Variants in OVOL1 observed in about 807,000 individuals in gnomAD.
OVOL1 encodes putative transcription factor Ovo-like 1.
OVOL1 carries 10 observed loss-of-function variants against 21.5 expected under a neutral mutation model. The ratio of observed to expected loss-of-function variants is 0.46; its 90% CI spans 0.29 to 0.79. The LOEUF (loss-of-function observed/expected upper bound fraction) is 0.79, where lower values mean the gene tolerates loss of function less well. Ranked by LOEUF, OVOL1 falls within the 30% of genes least tolerant of loss-of-function variation. OVOL1 has a pLI of 0.10. For missense variants in OVOL1, 279 were observed against 362.3 expected (o/e 0.77, Z 1.87); for synonymous variants, 129 against 150.3 (o/e 0.86, Z 1.03).
At chr11:65,789,644 A>T in intron 1 of OVOL1, 1 of 955,478 alleles carries the variant, frequency 1.0e-6, no homozygotes. Context: ...CCAGCCAACC[A>T]TGACCCCAGA....
chr11:65,789,132 T>C, intron 1 of OVOL1: 4 of 882,562 alleles, frequency 4.5e-6, no homozygotes, highest in Non-Finnish European at 5.4e-6. Flanking sequence ...TAACAGATCA[T>C]GTGTTGATTT....
At chr11:65,790,545 G>A (rs1460209000) in intron 1 of OVOL1, 3 of 152,364 alleles carry the variant, frequency 2.0e-5, no homozygotes, top group Non-Finnish European at 2.9e-5. Context: ...CTGAGAGTGA[G>A]CTTTGGGGCC....
At chr11:65,792,386 AC>A (rs1858038478) in intron 1 of OVOL1, 1 of 152,196 alleles carries the variant, frequency 6.6e-6, no homozygotes, top group African/African-American at 2.4e-5. Flanking sequence ...GTTTGTCTCC[AC>A]CTGGATTGAG....
Position 65,794,561 on chromosome 11 carries a change from T to C in OVOL1, c.342T>C (p.Ser114=), listed in dbSNP as rs553465183. The C allele has an allele frequency of 1.5e-5, 25 of 1,613,214 alleles. No homozygotes were observed. Among genetic ancestry groups the C allele is most frequent in the South Asian group, 2.2e-5 (2 of 91,082 alleles). The change falls in exon 3 of 4, where the codon AGT becomes AGC. Residue 114 remains serine, a synonymous_variant. Transcript: ENST00000335987. ...KMKVTLGDSP[S]GDLFTCRVCQ... The stretch of plus-strand genomic sequence containing the variant: ...AGGTGACCCTTGGGGACAGTCCCAG[T>C]GGAGACCTGTTCACCTGCCGTGTCT...
At chr11:65,788,724 C>A (rs1857951910) in intron 1 of OVOL1, 4 of 985,464 alleles carry the variant, frequency 4.1e-6, no homozygotes, top group Non-Finnish European at 4.8e-6. Context: ...AACCTGATCT[C>A]AAGGGGACCC....
chr11:65,794,804 C>T (rs749033667), intron 3 of OVOL1, 77 bp downstream of exon 3: 12 of 1,433,550 alleles, frequency 8.4e-6, no homozygotes, highest in Admixed American at 1.7e-5. Flanking sequence ...TCCAGCACCC[C>T]CTGCTCTCCC....
chr11:65,788,009 G>GT (rs952274237), intron 1 of OVOL1, among the ~76,000 whole-genome samples: 31 of 151,738 alleles, frequency 2.0e-4, no homozygotes, highest in African/African-American at 7.3e-4. Context: ...GGTCGGGCCG[G>GT]TGGGGGGCGT....
At chr11:65,793,705 C>A in intron 1 of OVOL1, 1 of 418,040 alleles carries the variant, frequency 2.4e-6, no homozygotes, top group Non-Finnish European at 4.4e-6. Flanking sequence ...GTGGATGAGG[C>A]CTGGAATTCA....
At chr11:65,793,756 G>T in intron 1 of OVOL1, 2 of 526,076 alleles carry the variant, frequency 3.8e-6, no homozygotes, top group Non-Finnish European at 6.9e-6. Context: ...AACTCCGGAG[G>T]GATAATTGGC....
At chr11:65,788,716 C>G (rs1363714976) in intron 1 of OVOL1, 19 of 985,458 alleles carry the variant, frequency 1.9e-5, no homozygotes, top group Non-Finnish European at 2.2e-5. Flanking sequence ...CACAGCTTAA[C>G]CTGATCTCAA....
Position 65,794,104 on chromosome 11 carries a change from G to A in OVOL1, c.174G>A (p.Pro58=), listed in dbSNP as rs139751259. 233 of 1,613,890 alleles carry A rather than the reference G, an allele frequency of 1.4e-4. No individual in the cohort carries two copies. The African/African-American group carries it at 2.3e-3, about 16-fold the overall frequency. The part of the protein sequence containing the change: ...EPSVAEPPSC[P]LALNMSLRDS... ...CTGTGGCCGAACCCCCTTCCTGCCC[G>A]CTGGCTTTGAACATGAGCCTTCGAG... Residue 58 remains proline (P), a synonymous_variant, in exon 2 of 4, where the codon CCG becomes CCA. Transcript: ENST00000335987.
intron 1 of OVOL1, chr11:65,790,500 A>C (rs1353728806): frequency 1.3e-5 from 2 of 152,294 alleles, no homozygotes; most frequent in Non-Finnish European, 2.9e-5. Flanking sequence ...TAGTGTGGGC[A>C]CTTGGGCAGA....
rs1858093390 is a variant in OVOL1, at chr11:65,794,680, G to C, written c.461G>C (p.Gly154Ala). 6.2e-7 allele frequency: 1 copy of C among 1,613,624 alleles called. No individual in the cohort carries two copies. Among genetic ancestry groups the C allele is most frequent in the Non-Finnish European group, 8.5e-7 (1 of 1,180,036 alleles). ...CACCTCTGCACGTACTGCGGGAAGG[G>C]CTTCAATGACACCTTCGACCTCAAG... ...KRHLCTYCGK[G>A]FNDTFDLKRH... The change falls in exon 3 of 4, where the codon GGC becomes GCC. Residue 154 changes from glycine to alanine, a missense_variant. Transcript: ENST00000335987.
At chr11:65,789,198 G>C (rs1268322383) in intron 1 of OVOL1, 2 of 466,128 alleles carry the variant, frequency 4.3e-6, no homozygotes, top group Non-Finnish European at 5.6e-6. Context: ...TTTTGTCCTA[G>C]CTATTTTCTC....
rs752002498 is a variant in OVOL1, at chr11:65,795,691, C to G, written c.*350C>G. On this transcript the variant is annotated 3_prime_UTR_variant, in exon 4 of 4. Transcript: ENST00000335987. The surrounding 1 kb of genome is among the most constrained non-coding windows in gnomAD (Gnocchi z 5.7). ...CAGGACTTCCTACCCAGAGGAGGTT[C>G]GAGCTAGGATCCCACTGCCCCCGCC... 25 of 348,990 alleles carry G rather than the reference C, an allele frequency of 7.2e-5. No homozygotes were observed. Among genetic ancestry groups the G allele is most frequent in the Non-Finnish European group, 1.3e-4 (24 of 185,920 alleles). The allele number at this position is 348,990 out of a possible 1,614,324, so 21.6% of individuals were successfully genotyped here. A position where few individuals can be genotyped will look rare whatever the true frequency, so the allele number is the denominator to read the frequency against.
Position 65,794,029 on chromosome 11 carries a change from A to G in OVOL1, c.101-2A>G. 6.2e-7 allele frequency: 1 copy of G among 1,613,096 alleles called. No homozygotes were observed. Among genetic ancestry groups the G allele is most frequent in the Non-Finnish European group, 8.5e-7 (1 of 1,179,432 alleles). The stretch of plus-strand genomic sequence containing the variant: ...CCTCTCACCTGTCTGTTCTCTCCCC[A>G]GTCAGCCTGGGCTTCTGCCCACCAC... On this transcript the variant is annotated splice_acceptor_variant, in intron 1 of 3. Transcript: ENST00000335987. LOFTEE classifies it high-confidence loss of function.
intron 2 of OVOL1, 90 bp downstream of exon 2, chr11:65,794,338 C>G: frequency 2.3e-6 from 3 of 1,278,730 alleles, no homozygotes; most frequent in Non-Finnish European, 3.3e-6. Context: ...GAGATGTAGG[C>G]AGAGACTGAC....
chr11:65,789,781 G>C (rs1463340024), intron 1 of OVOL1: 1 of 840,378 alleles, frequency 1.2e-6, no homozygotes, highest in Non-Finnish European at 1.4e-6. Flanking sequence ...TTCCTGCCAG[G>C]TTCCTCTGAG....
chr11:65,791,439 C>T (rs1227543665), intron 1 of OVOL1, among the ~76,000 whole-genome samples: 1 of 152,196 alleles, frequency 6.6e-6, no homozygotes, highest in Non-Finnish European at 1.5e-5. Flanking sequence ...GGGGGTCATC[C>T]TTGCATCTGC....
Sources: allele counts gnomAD v4.1 joint callset (sites outside exome capture counted in the v4.1 genomes callset), GRCh38; gene constraint gnomAD v4.1.1; non-coding constraint Gnocchi (gnomAD v3.1); transcripts MANE v1.5; gene names NCBI Gene and HGNC (gene_info 2026-07-23, HGNC 2026-07-21).